EPHA6: variants seen among roughly 807,000 people sequenced by gnomAD.
EPHA6 encodes the protein EPH receptor A6, also known as ephrin type-A receptor 6.
EPHA6 carries 50 observed loss-of-function variants against 112.0 expected under a neutral mutation model. That is an observed-to-expected ratio of 0.45 (90% confidence interval 0.36 to 0.56). The LOEUF (loss-of-function observed/expected upper bound fraction) is 0.56, where lower values mean the gene tolerates loss of function less well. EPHA6 is among the 20% of genes least tolerant of loss of function. The probability of loss-of-function intolerance (pLI) is 0.00; values close to 1 mark genes in which losing one functional copy is unlikely to be tolerated. For synonymous variants in EPHA6, 529 were observed against 490.7 expected, an observed-to-expected ratio of 1.08 and a Z score of -1.03; for missense variants, 1,280 against 1,417.4, an observed-to-expected ratio of 0.90 and a Z score of 1.56.
intron 5 of EPHA6, among the ~76,000 whole-genome samples, chr3:97,309,445 A>G (rs918185735): frequency 4.0e-5 from 6 of 151,660 alleles, no homozygotes; most frequent in Non-Finnish European, 7.4e-5. Flanking sequence ...CTAAATATCA[A>G]CTATTTAGTA....
At chr3:96,839,555 G>T (rs2034613016) in intron 1 of EPHA6, among the ~76,000 whole-genome samples, 1 of 151,920 alleles carries the variant, frequency 6.6e-6, no homozygotes, top group African/African-American at 2.4e-5. Flanking sequence ...AACTATTATT[G>T]TAGTTGATTA....
At chr3:97,700,333 G>A (rs560050556) in intron 14 of EPHA6, among the ~76,000 whole-genome samples, 1 of 152,300 alleles carries the variant, frequency 6.6e-6, no homozygotes, top group South Asian at 2.1e-4. Context: ...CAAGTTGAAT[G>A]AAGTGTCTCC....
chr3:97,264,999 G>A (rs534217369), intron 5 of EPHA6, among the ~76,000 whole-genome samples: 1 of 152,334 alleles, frequency 6.6e-6, no homozygotes, highest in South Asian at 2.1e-4. Flanking sequence ...TCATTAGAGA[G>A]GGTAGCTCCT....
intron 3 of EPHA6, among the ~76,000 whole-genome samples, chr3:97,173,816 A>G (rs2108433857): frequency 6.6e-6 from 1 of 152,014 alleles, no homozygotes; most frequent in Middle Eastern, 3.4e-3. Context: ...ACAGGGATGC[A>G]GTGTAAAATA....
intron 5 of EPHA6, among the ~76,000 whole-genome samples, chr3:97,307,981 C>CT (rs925169506): frequency 1.2e-4 from 18 of 150,708 alleles, no homozygotes; most frequent in East Asian, 9.7e-4. Context: ...TCCCATCAAC[C>CT]TTTTTTTTTG....
intron 3 of EPHA6, among the ~76,000 whole-genome samples, chr3:97,028,234 T>C (rs948518138): frequency 1.3e-5 from 2 of 151,850 alleles, no homozygotes; most frequent in Non-Finnish European, 2.9e-5. Context: ...AATTACTGCT[T>C]TAATTTCCCT....
chr3:97,523,297 C>T lies in EPHA6; in HGVS notation c.2201-9061C>T, dbSNP rs1029807936. 7.1e-4 allele frequency among the ~76,000 whole-genome samples: 108 copies of T among 152,076 alleles called. 3 individuals are homozygous for T. Among genetic ancestry groups the T allele is most frequent in the Non-Finnish European group, 1.6e-4 (11 of 67,974 alleles). Reference sequence around the variant, plus strand: ...TTCCTTCCTTGATCCATTAGTTGTACAGGAGTGTGATGTTTAATTTCCACA... The same window carrying T: ...TTCCTTCCTTGATCCATTAGTTGTATAGGAGTGTGATGTTTAATTTCCACA... On this transcript the variant is annotated intron_variant, in intron 10 of 17. Transcript: ENST00000389672.
At chr3:97,237,058 A>G (rs2078699743) in intron 4 of EPHA6, among the ~76,000 whole-genome samples, 2 of 151,866 alleles carry the variant, frequency 1.3e-5, no homozygotes, top group Admixed American at 1.3e-4. Context: ...TCCATCTCAC[A>G]ACTGAAATTC....
intron 7 of EPHA6, chr3:97,466,258 T>G (rs201899223): frequency 2.7e-6 from 3 of 1,102,330 alleles, no homozygotes; most frequent in Non-Finnish European, 2.8e-6. Flanking sequence ...AATCAAAAGA[T>G]GACAGTAAGG....
At chr3:97,502,166 G>GC (rs1176825647) in intron 10 of EPHA6, among the ~76,000 whole-genome samples, 1 of 141,570 alleles carries the variant, frequency 7.1e-6, no homozygotes, top group African/African-American at 2.8e-5. Flanking sequence ...GTAACTACCT[G>GC]CTTTTTTTTT....
intron 1 of EPHA6, among the ~76,000 whole-genome samples, chr3:96,842,233 A>G (rs1227763062): frequency 6.6e-6 from 1 of 152,084 alleles, no homozygotes; most frequent in African/African-American, 2.4e-5. Context: ...AATGCTTTCA[A>G]TTTCATACAA....
At chr3:96,885,945 GAATTT>G (rs2037595916) in intron 2 of EPHA6, among the ~76,000 whole-genome samples, 1 of 152,138 alleles carries the variant, frequency 6.6e-6, no homozygotes, top group South Asian at 2.1e-4. Flanking sequence ...TCAGTTTGAA[GAATTT>G]TTAAATTTCC....
chr3:97,698,683 A>G (rs1239213765), intron 14 of EPHA6, among the ~76,000 whole-genome samples: 1 of 152,242 alleles, frequency 6.6e-6, no homozygotes, highest in Non-Finnish European at 1.5e-5. Flanking sequence ...TGAACTCTGA[A>G]GCCTGCATCT....
At chr3:97,357,237 C>T (rs1039215619) in intron 5 of EPHA6, among the ~76,000 whole-genome samples, 8 of 152,038 alleles carry the variant, frequency 5.3e-5, no homozygotes, top group Non-Finnish European at 8.8e-5. Context: ...GATGGAGTCT[C>T]GCTCTGTCAC....
intron 2 of EPHA6, among the ~76,000 whole-genome samples, chr3:96,873,952 A>G (rs1352874269): frequency 6.6e-6 from 1 of 152,148 alleles, no homozygotes; most frequent in African/African-American, 2.4e-5. Context: ...ACCACGTTAT[A>G]TATGAAAAAA....
rs187036366 is a variant in EPHA6 at position 97,683,267 on chromosome 3, T to C, written c.2785-36994T>C. On this transcript the variant is annotated intron_variant, in intron 14 of 17. Transcript: ENST00000389672. Reference sequence around the variant, plus strand: ...GAATTACAGTGATATTTTAGTTTCCTGACCATTATATTAAAAAAGAGTTGT... The same window carrying C: ...GAATTACAGTGATATTTTAGTTTCCCGACCATTATATTAAAAAAGAGTTGT... Among the ~76,000 whole-genome samples the C allele has an allele frequency of 3.3e-3, 505 of 152,312 alleles. 4 individuals carry two copies. The highest frequency in any genetic ancestry group is 9.3e-3 in the African/African-American group (386 of 41,578).
chr3:97,605,079 AATTG>A (rs1251576710), intron 12 of EPHA6, among the ~76,000 whole-genome samples: 18 of 151,582 alleles, frequency 1.2e-4, no homozygotes, highest in Admixed American at 2.6e-4. Context: ...AGTGTTCTAA[AATTG>A]ATTGAGATAT....
At chr3:97,064,532 TTTTCTGAATATCTGG>T (rs1328033663) in intron 3 of EPHA6, among the ~76,000 whole-genome samples, 1 of 152,164 alleles carries the variant, frequency 6.6e-6, no homozygotes, top group Non-Finnish European at 1.5e-5. Flanking sequence ...TTCTCTGTAA[TTTTCTGAATATCTGG>T]TCCAGTGCCT....
At chr3:96,998,281 G>A (rs2043498470) in intron 3 of EPHA6, among the ~76,000 whole-genome samples, 1 of 151,752 alleles carries the variant, frequency 6.6e-6, no homozygotes, top group South Asian at 2.1e-4. Context: ...TAGAATTTTA[G>A]TTCTACCTTT....
Sources: gnomAD v4.1 joint callset for allele counts (sites outside exome capture counted in the v4.1 genomes callset) on GRCh38, gnomAD v4.1.1 for gene constraint, MANE v1.5 for transcripts, NCBI Gene and HGNC (gene_info 2026-07-23, HGNC 2026-07-21) for gene names.